Variants in CTNNA3 observed in about 807,000 individuals in gnomAD.
CTNNA3 encodes the protein catenin alpha 3.
CTNNA3 carries 76 observed loss-of-function variants against 95.7 expected under a neutral mutation model. The ratio of observed to expected loss-of-function variants is 0.79; its 90% CI spans 0.66 to 0.96. CTNNA3 has a LOEUF of 0.96. CTNNA3 is among the 40% of genes least tolerant of loss of function. CTNNA3 has a pLI of 0.00. For synonymous variants in CTNNA3, 431 were observed against 374.4 expected, an observed-to-expected ratio of 1.15 and a Z score of -1.74; for missense variants, 1,191 against 1,089.8, an observed-to-expected ratio of 1.09 and a Z score of -1.31.
chr10:67,543,797 G>T (rs1840754946), intron 3 of CTNNA3, among the ~76,000 whole-genome samples: 1 of 152,106 alleles, frequency 6.6e-6, no homozygotes, highest in Admixed American at 6.6e-5. Flanking sequence ...GGTTTTATTT[G>T]TTTTTGGTTG....
At chr10:66,192,207 A>G (rs1211997341) in intron 13 of CTNNA3, among the ~76,000 whole-genome samples, 1 of 152,170 alleles carries the variant, frequency 6.6e-6, no homozygotes, top group Non-Finnish European at 1.5e-5. Flanking sequence ...TCTTCCTTCT[A>G]GCAATACCTT....
chr10:67,488,536 AT>A (rs1848532444), intron 5 of CTNNA3, among the ~76,000 whole-genome samples: 2 of 151,588 alleles, frequency 1.3e-5, no homozygotes, highest in East Asian at 3.9e-4. Context: ...AGCTCAGCTA[AT>A]TTTTTGTATT....
intron 5 of CTNNA3, among the ~76,000 whole-genome samples, chr10:67,499,788 C>A (rs1839169587): frequency 6.6e-6 from 1 of 152,036 alleles, no homozygotes; most frequent in African/African-American, 2.4e-5. Flanking sequence ...ATCCCTTTAT[C>A]ATTTTTTATT....
intron 15 of CTNNA3, among the ~76,000 whole-genome samples, chr10:66,033,524 G>T (rs1429417476): frequency 3.3e-5 from 5 of 151,670 alleles, no homozygotes; most frequent in Non-Finnish European, 1.5e-5. Flanking sequence ...ATACATGTAT[G>T]CACATGTGCT....
chr10:67,289,282 G>A (rs1839732689), intron 5 of CTNNA3, among the ~76,000 whole-genome samples: 2 of 152,136 alleles, frequency 1.3e-5, no homozygotes, highest in South Asian at 2.1e-4. Flanking sequence ...AAAAAGAGAA[G>A]AGAGAGGAGA....
At chr10:67,001,453 G>A (rs573052118) in intron 7 of CTNNA3, among the ~76,000 whole-genome samples, 2 of 151,978 alleles carry the variant, frequency 1.3e-5, no homozygotes, top group East Asian at 1.9e-4. Flanking sequence ...GACAGGGGTG[G>A]GGGACAGAAG....
chr10:66,999,868 C>T (rs117319685), intron 7 of CTNNA3, among the ~76,000 whole-genome samples: 4,383 of 152,188 alleles, frequency 0.029, 91 homozygotes, highest in Non-Finnish European at 0.037. Context: ...CTAATAACAG[C>T]AATGTATTCA....
chr10:67,546,902 A>G (rs1358632463), intron 3 of CTNNA3, among the ~76,000 whole-genome samples: 2 of 152,184 alleles, frequency 1.3e-5, no homozygotes. Flanking sequence ...GCAAAAACTG[A>G]TATCTTTGCT....
In CTNNA3 at chr10:66,201,783, C is replaced by CTTTTT. The variant is rs1236010501; in HGVS notation, c.1884+78682_1884+78686dup. Among the ~76,000 whole-genome samples, 414 of 79,182 alleles carry CTTTTT rather than the reference C, an allele frequency of 5.2e-3. 7 individuals carry two copies. The highest frequency in any genetic ancestry group is 6.7e-3 in the East Asian group (17 of 2,554). 51.9% of individuals were successfully genotyped at this position (79,182 alleles called of 152,430 possible). A position where few individuals can be genotyped will look rare whatever the true frequency, so the allele number is the denominator to read the frequency against. ...GATTGTTGCTGTCTTTTTACTTTTT[C>CTTTTT]TTTTTTTTTTTTTTTTTTTTTTGAG... On this transcript the variant is annotated intron_variant, in intron 13 of 17. Transcript: ENST00000433211.
chr10:66,728,929 T>C (rs1263037101), intron 9 of CTNNA3, among the ~76,000 whole-genome samples: 1 of 152,190 alleles, frequency 6.6e-6, no homozygotes, highest in Non-Finnish European at 1.5e-5. Context: ...TTTTTGTATA[T>C]GGTATAAGGA....
At chr10:66,445,446 A>G (rs2093412656) in intron 11 of CTNNA3, among the ~76,000 whole-genome samples, 3 of 152,158 alleles carry the variant, frequency 2.0e-5, no homozygotes, top group Non-Finnish European at 4.4e-5. Context: ...CAGCAAATGT[A>G]AAAGAACAGA....
chr10:67,106,425 A>G (rs1030135822), intron 7 of CTNNA3, among the ~76,000 whole-genome samples: 3 of 152,220 alleles, frequency 2.0e-5, no homozygotes, highest in Non-Finnish European at 4.4e-5. Flanking sequence ...GTAATTACCA[A>G]AAAGAATGTC....
chr10:66,360,670 C>CCTTCCTTTTCTTTCTTT lies in CTNNA3; in HGVS notation c.1732+18481_1732+18482insAAAGAAAGAAAAGGAAG, dbSNP rs1554944433. 3.3e-3 allele frequency among the ~76,000 whole-genome samples: 171 copies of CCTTCCTTTTCTTTCTTT among 51,522 alleles called. 1 individual carries two copies. The highest frequency in any genetic ancestry group is 7.9e-3 in the African/African-American group (155 of 19,552). 33.8% of individuals were successfully genotyped at this position (51,522 alleles called of 152,430 possible). A position where few individuals can be genotyped will look rare whatever the true frequency, so the allele number is the denominator to read the frequency against. ...TTCTTTCTTTCTTTCTTCCTTCCTT[C>CCTTCCTTTTCTTTCTTT]CTTCCTTCCTTCCTTCCTTCCTTTT... On this transcript the variant is annotated intron_variant, in intron 12 of 17. Transcript: ENST00000433211.
chr10:66,621,771 G>A lies in CTNNA3; in HGVS notation c.1295C>T (p.Ala432Val), dbSNP rs776799284. The A allele has an allele frequency of 6.2e-7, 1 of 1,604,758 alleles. No homozygotes were observed. The highest frequency in any genetic ancestry group is 8.5e-7 in the Non-Finnish European group (1 of 1,176,164). ...ATCTTCATTTGTTGACATGGAACAA[G>A]CAAGATTTGCCACCTTAAATACAAT... ...TSRLVEVANLACSMSTNEDGI... is the reference protein window; with the variant it reads ...TSRLVEVANLVCSMSTNEDGI... The change falls in exon 10 of 18, where the codon GCT becomes GTT. Residue 432 changes from alanine to valine, a missense_variant. By Grantham distance (64) the Ala-to-Val change is moderately conservative. Transcript: ENST00000433211.
chr10:67,496,926 G>T (rs1052076424), intron 5 of CTNNA3, among the ~76,000 whole-genome samples: 6 of 151,998 alleles, frequency 3.9e-5, no homozygotes, highest in Non-Finnish European at 7.4e-5. Flanking sequence ...TAAACTATGT[G>T]TCTATCTTTT....
In CTNNA3 at chr10:65,915,027, A is replaced by T. The variant is rs2076988760; in HGVS notation, c.*5303T>A. The T allele has an allele frequency of 6.6e-6, 1 of 152,182 alleles. No homozygotes were observed. Among genetic ancestry groups the T allele is most frequent in the Admixed American group, 6.6e-5 (1 of 15,264 alleles). 9.4% of individuals were successfully genotyped at this position (152,182 alleles called of 1,614,324 possible). A position where few individuals can be genotyped will look rare whatever the true frequency, so the allele number is the denominator to read the frequency against. ...AGGATTGAATAAGATAATAGTTAGC[A>T]TTTAACACAGAGCTGGCACATGAGG... On this transcript the variant is annotated 3_prime_UTR_variant, in exon 18 of 18. Transcript: ENST00000433211.
intron 3 of CTNNA3, among the ~76,000 whole-genome samples, chr10:67,595,827 T>C (rs753301469): frequency 6.6e-6 from 1 of 152,216 alleles, no homozygotes; most frequent in Admixed American, 6.5e-5. Context: ...AGTACATACA[T>C]TTTTAGAATA....
chr10:66,692,393 A>G (rs1339538879), intron 9 of CTNNA3, among the ~76,000 whole-genome samples: 15 of 152,126 alleles, frequency 9.9e-5, no homozygotes, highest in Non-Finnish European at 1.8e-4. Context: ...GAAATGAAGC[A>G]AGAAGGGAAG....
At chr10:66,093,857 A>T (rs2081296808) in intron 14 of CTNNA3, among the ~76,000 whole-genome samples, 2 of 152,098 alleles carry the variant, frequency 1.3e-5, no homozygotes, top group East Asian at 3.8e-4. Context: ...TACAAAATAA[A>T]GCCTCTCCTT....
Sources: allele counts gnomAD v4.1 joint callset (sites outside exome capture counted in the v4.1 genomes callset), GRCh38; gene constraint gnomAD v4.1.1; transcripts MANE v1.5; gene names NCBI Gene and HGNC (gene_info 2026-07-23, HGNC 2026-07-21).